ABL1: variants seen among roughly 807,000 people sequenced by gnomAD.
ABL1 encodes ABL proto-oncogene 1, non-receptor tyrosine kinase, also known as tyrosine-protein kinase ABL1.
Under a neutral mutation model 94.7 loss-of-function variants are expected in ABL1, and 11 were observed. The observed-to-expected ratio is 0.12, with a 90% CI of 0.07 to 0.19. The LOEUF is 0.19. Among genes scored for constraint, ABL1 ranks in the 10% least tolerant of loss-of-function variants. ABL1 has a pLI of 1.00. For synonymous variants in ABL1, 656 were observed against 622.4 expected (o/e 1.05, Z -0.80); for missense variants, 1,082 against 1,489.4 (o/e 0.73, Z 4.50).
intron 8 of ABL1, 35 bp downstream of exon 8, chr9:130,878,602 G>A (rs747851827): frequency 1.1e-5 from 17 of 1,606,382 alleles, no homozygotes; most frequent in Non-Finnish European, 1.4e-5. Flanking sequence ...ACGAGTATAT[G>A]TGGGCATTCC....
chr9:130,816,157 T>C (rs1168874052), intron 1 of ABL1, among the ~76,000 whole-genome samples: 3 of 152,136 alleles, frequency 2.0e-5, no homozygotes, highest in South Asian at 2.1e-4. Context: ...TCCTTCCACA[T>C]TGGCCTCTTT....
chr9:130,802,540 A>G (rs538650882), intron 1 of ABL1, among the ~76,000 whole-genome samples: 31 of 152,226 alleles, frequency 2.0e-4, no homozygotes, highest in African/African-American at 7.0e-4. Flanking sequence ...CAGTTCTAGA[A>G]TTGCCATTTA....
chr9:130,806,926 G>A (rs1206936074), intron 1 of ABL1, among the ~76,000 whole-genome samples: 4 of 152,112 alleles, frequency 2.6e-5, no homozygotes, highest in African/African-American at 9.7e-5. Context: ...CGCGGCAGGC[G>A]AATCAGGAGG....
chr9:130,813,805 T>C (rs141698330), intron 1 of ABL1, among the ~76,000 whole-genome samples: 16 of 152,316 alleles, frequency 1.1e-4, no homozygotes, highest in Middle Eastern at 6.8e-3. Flanking sequence ...ATAGTGCAGA[T>C]GGTCCCTGAC....
chr9:130,724,491 C>G (rs1292656361), intron 1 of ABL1, among the ~76,000 whole-genome samples: 1 of 150,378 alleles, frequency 6.6e-6, no homozygotes, highest in African/African-American at 2.4e-5. Flanking sequence ...TTTTAAAAAC[C>G]AGAACATTTA....
chr9:130,874,776 T>C (rs1324997413), intron 6 of ABL1, 92 bp from the exon 7 acceptor site: 4 of 1,333,698 alleles, frequency 3.0e-6, no homozygotes, highest in Non-Finnish European at 3.2e-6. Flanking sequence ...AATCTTTCCA[T>C]TGTCAGCATT....
At chr9:130,839,777 G>A (rs1830641923) in intron 1 of ABL1, among the ~76,000 whole-genome samples, 1 of 152,186 alleles carries the variant, frequency 6.6e-6, no homozygotes, top group Admixed American at 6.5e-5. Context: ...AGAGTTAAAT[G>A]TATGTTTGTG....
chr9:130,768,725 G>A (rs546194612), intron 1 of ABL1, among the ~76,000 whole-genome samples: 2 of 152,298 alleles, frequency 1.3e-5, no homozygotes, highest in African/African-American at 4.8e-5. Flanking sequence ...GTCTATAATA[G>A]GCCCACTCTA....
rs201278085 is a variant in ABL1, at chr9:130,884,325, T to A, written c.2035T>A (p.Ser679Thr). Residue 679 changes from serine (S) to threonine (T), a missense_variant, in exon 11 of 11, where the codon TCA (serine) becomes ACA (threonine). Transcript: ENST00000318560. The surrounding 1 kb of genome is among the most constrained non-coding windows in gnomAD (Gnocchi z 5.6). ...PNGALRESGG[S>T]GFRSPHLWKK... ...TGGAGCCCTCCGGGAGTCCGGGGGC[T>A]CAGGCTTCCGGTCTCCCCACCTGTG... The A allele has an allele frequency of 6.8e-6, 11 of 1,611,738 alleles. No individual in the cohort carries two copies. The highest frequency in any genetic ancestry group is 3.3e-5 in the Admixed American group (2 of 59,910).
rs541134356 is a variant in ABL1 at position 130,775,145 on chromosome 9, A to G, written c.136+60690A>G. On this transcript the variant is annotated intron_variant, in intron 1 of 10. Transcript: ENST00000372348. ...AGTTCCTAGTTAGCTGGCAGAAGTCAATGCATATCCTCTTGGACTATATCT... is the reference window on the plus strand; with the variant it reads ...AGTTCCTAGTTAGCTGGCAGAAGTCGATGCATATCCTCTTGGACTATATCT... Among the ~76,000 whole-genome samples, 9 of 152,350 alleles carry G rather than the reference A, an allele frequency of 5.9e-5. No individual in the cohort carries two copies. The East Asian group carries it at 1.2e-3, about 20-fold the overall frequency.
chr9:130,777,398 T>C (rs1448341352), intron 1 of ABL1, among the ~76,000 whole-genome samples: 12 of 151,960 alleles, frequency 7.9e-5, no homozygotes, highest in Non-Finnish European at 1.8e-4. Context: ...GCTGACACAC[T>C]GCATTAGTAC....
chr9:130,836,368 T>A (rs576352119), intron 1 of ABL1, among the ~76,000 whole-genome samples: 3 of 152,286 alleles, frequency 2.0e-5, no homozygotes, highest in East Asian at 3.9e-4. Context: ...AAAAGTAAAT[T>A]AAGGGTTATG....
intron 10 of ABL1, among the ~76,000 whole-genome samples, chr9:130,882,396 C>T (rs971649012): frequency 6.6e-6 from 1 of 152,144 alleles, no homozygotes; most frequent in African/African-American, 2.4e-5. Context: ...TTCAGATGTC[C>T]CGCGTGCTGC....
intron 1 of ABL1, among the ~76,000 whole-genome samples, chr9:130,837,300 G>A (rs1214498424): frequency 1.3e-5 from 2 of 152,176 alleles, no homozygotes; most frequent in African/African-American, 2.4e-5. Context: ...CATCTGTATC[G>A]AGTTAGTGTT....
chr9:130,831,414 T>TA (rs957669646), upstream of ABL1, among the ~76,000 whole-genome samples: 8 of 150,250 alleles, frequency 5.3e-5, no homozygotes, highest in African/African-American at 7.3e-5. Context: ...AATTCCAAAT[T>TA]AAAAAAAAAA....
intron 1 of ABL1, among the ~76,000 whole-genome samples, chr9:130,791,161 G>C (rs539315267): frequency 6.6e-6 from 1 of 152,198 alleles, no homozygotes; most frequent in South Asian, 2.1e-4. Flanking sequence ...AATAGGAAGA[G>C]AGAAAAGACA....
chr9:130,860,697 T>G (rs1831056314), intron 3 of ABL1, among the ~76,000 whole-genome samples: 1 of 152,196 alleles, frequency 6.6e-6, no homozygotes, highest in Non-Finnish European at 1.5e-5. Flanking sequence ...GTGCTCTGAT[T>G]GCAGGAATGT....
intron 1 of ABL1, among the ~76,000 whole-genome samples, chr9:130,829,513 G>A (rs1204395253): frequency 9.9e-5 from 15 of 150,984 alleles, no homozygotes; most frequent in Admixed American, 9.2e-4. Flanking sequence ...TGCAGTGGGC[G>A]GAGATCGCGC....
intron 1 of ABL1, among the ~76,000 whole-genome samples, chr9:130,749,470 A>C (rs766608842): frequency 3.9e-5 from 6 of 152,252 alleles, no homozygotes; most frequent in Non-Finnish European, 7.3e-5. Flanking sequence ...TATCCCCTCC[A>C]AAGATGATAG....
Sources: gnomAD v4.1 joint callset for allele counts (sites outside exome capture counted in the v4.1 genomes callset) on GRCh38, gnomAD v4.1.1 for gene constraint, Gnocchi (gnomAD v3.1) non-coding constraint, MANE v1.5 for transcripts, NCBI Gene and HGNC (gene_info 2026-07-23, HGNC 2026-07-21) for gene names.